SERPINB7: variants seen among roughly 807,000 people sequenced by gnomAD.
SERPINB7 encodes serpin B7.
SERPINB7 carries 31 observed loss-of-function variants against 37.4 expected under a neutral mutation model. That is an observed-to-expected ratio of 0.83 (90% CI 0.62 to 1.12). The LOEUF (loss-of-function observed/expected upper bound fraction) is 1.12, where lower values mean the gene tolerates loss of function less well. Ranked by LOEUF, SERPINB7 falls within the 50% of genes most tolerant of loss-of-function variation. The probability of loss-of-function intolerance (pLI) is 0.00; values close to 1 mark genes in which losing one functional copy is unlikely to be tolerated. For missense variants in SERPINB7, 521 were observed against 455.3 expected (o/e 1.14, Z -1.31); for synonymous variants, 163 against 166.1 (o/e 0.98, Z 0.14).
chr18:63,776,766 A>G (rs1038162771), intron 1 of SERPINB7, among the ~76,000 whole-genome samples: 5 of 151,766 alleles, frequency 3.3e-5, no homozygotes, highest in Non-Finnish European at 7.4e-5. Context: ...GTTGATCTAT[A>G]AAGTGTACTA....
At chr18:63,770,763 T>A (rs547344308), upstream of SERPINB7, among the ~76,000 whole-genome samples, 3 of 152,196 alleles carry the variant, frequency 2.0e-5, no homozygotes, top group East Asian at 5.8e-4. Context: ...TTGAGATGAA[T>A]GTGTTCTCTA....
chr18:63,753,688 C>G (rs143939965), intron 1 of SERPINB7, among the ~76,000 whole-genome samples: 1 of 152,298 alleles, frequency 6.6e-6, no homozygotes, highest in East Asian at 1.9e-4. Flanking sequence ...TGATAATTCC[C>G]TAAAAGGTCT....
intron 1 of SERPINB7, among the ~76,000 whole-genome samples, chr18:63,767,955 AG>A (rs1333569812): frequency 6.6e-6 from 1 of 152,040 alleles, no homozygotes; most frequent in Non-Finnish European, 1.5e-5. Context: ...ATGTGCTTAA[AG>A]TTATTCCTAG....
chr18:63,783,685 G>C (rs2049336420), intron 2 of SERPINB7, among the ~76,000 whole-genome samples: 1 of 152,160 alleles, frequency 6.6e-6, no homozygotes, highest in African/African-American at 2.4e-5. Context: ...CTGAAACTCA[G>C]TAGCTCAACA....
At position 63,792,339 on chromosome 18, in the gene SERPINB7, CTG is replaced by C. The variant is rs199619716; in HGVS notation, c.169-52_169-51del. 5.7e-4 allele frequency: 733 copies of C among 1,283,346 alleles called. 5 individuals are homozygous for C. In the African/African-American group the frequency reaches 9.4e-3, roughly 16 times the overall value. The allele number at this position is 1,283,346 out of a possible 1,614,324, so 79.5% of individuals were successfully genotyped here. A position where few individuals can be genotyped will look rare whatever the true frequency, so the allele number is the denominator to read the frequency against. On this transcript the variant is annotated intron_variant, in intron 2 of 7. Transcript: ENST00000398019. ...TTTTATTTTTAAAACCTCTTGCAAACTGTTCTCGTAACCTCTGATTCTAATGA... is the reference window on the plus strand; with the variant it reads ...TTTTATTTTTAAAACCTCTTGCAAACTTCTCGTAACCTCTGATTCTAATGA...
At position 63,793,278 on chromosome 18, in the gene SERPINB7, G is replaced by GCAGTTTCACTTACCTTA; in HGVS notation, c.336+1_336+2insCAGTTTCACTTACCTTA. On this transcript the variant is annotated splice_donor_variant, in intron 4 of 7. Coordinates refer to ENST00000398019, the MANE Select transcript of SERPINB7 (RefSeq NM_003784.4). LOFTEE classifies it high-confidence loss of function. Reference sequence around the variant, plus strand: ...TGAAAAAGTGTATGGCTTTCATAAGGTAAGTGAAACTGCCTTTGTTAGAAG... The same window carrying GCAGTTTCACTTACCTTA: ...TGAAAAAGTGTATGGCTTTCATAAGGCAGTTTCACTTACCTTATAAGTGAAACTGCCTTTGTTAGAAG... 1 of 1,526,390 alleles carries GCAGTTTCACTTACCTTA rather than the reference G, an allele frequency of 6.6e-7. No individual in the cohort carries two copies. The highest frequency in any genetic ancestry group is 9.0e-7 in the Non-Finnish European group (1 of 1,108,864). 94.6% of individuals were successfully genotyped at this position (1,526,390 alleles called of 1,614,324 possible).
chr18:63,779,598 T>C (rs1486449638), intron 1 of SERPINB7, among the ~76,000 whole-genome samples: 2 of 152,136 alleles, frequency 1.3e-5, no homozygotes, highest in East Asian at 1.9e-4. Flanking sequence ...TTCATAATTA[T>C]CTAGGAATGT....
chr18:63,784,083 G>C (rs146559167), intron 2 of SERPINB7, among the ~76,000 whole-genome samples: 187 of 152,182 alleles, frequency 1.2e-3, no homozygotes, highest in African/African-American at 4.2e-3. Flanking sequence ...TTCAGGATCT[G>C]GGATAAGCCC....
upstream of SERPINB7, among the ~76,000 whole-genome samples, chr18:63,773,071 T>C (rs1289750083): frequency 6.6e-6 from 1 of 152,054 alleles, no homozygotes; most frequent in East Asian, 1.9e-4. Flanking sequence ...ACTGAATTCC[T>C]TTGTGTCCTG....
chr18:63,759,271 G>A (rs1035453635), intron 1 of SERPINB7, among the ~76,000 whole-genome samples: 2 of 151,834 alleles, frequency 1.3e-5, no homozygotes, highest in South Asian at 4.2e-4. Context: ...GAGTAGGCAA[G>A]GGTCAGTAAT....
chr18:63,783,974 G>GT (rs1032572173), intron 2 of SERPINB7, among the ~76,000 whole-genome samples: 10 of 152,106 alleles, frequency 6.6e-5, no homozygotes, highest in Non-Finnish European at 1.3e-4. Context: ...TTAGACTGCT[G>GT]TTTTTTTCAA....
intron 1 of SERPINB7, among the ~76,000 whole-genome samples, chr18:63,760,004 A>T (rs544653385): frequency 1.7e-4 from 26 of 152,324 alleles, no homozygotes; most frequent in African/African-American, 6.3e-4. Context: ...TGCTGAAAAA[A>T]TACCCAAAAA....
intron 1 of SERPINB7, among the ~76,000 whole-genome samples, chr18:63,756,296 T>C (rs1377008397): frequency 6.6e-6 from 1 of 152,212 alleles, no homozygotes; most frequent in Non-Finnish European, 1.5e-5. Flanking sequence ...TTGTAAACTC[T>C]ACCATGTACC....
chr18:63,759,827 T>G (rs535058198), intron 1 of SERPINB7, among the ~76,000 whole-genome samples: 1 of 152,336 alleles, frequency 6.6e-6, no homozygotes, highest in East Asian at 1.9e-4. Flanking sequence ...CTCTTGTCAC[T>G]ACCATGTAAG....
In SERPINB7 at chr18:63,758,890, G is replaced by A. The variant is rs535496221; in HGVS notation, c.-19+5770G>A. Reference sequence around the variant, plus strand: ...TGAAGAGCAAGAACTGTGCTGAGTGGTGGGGTCCAAGAGTTTTCATATTAA... The same window carrying A: ...TGAAGAGCAAGAACTGTGCTGAGTGATGGGGTCCAAGAGTTTTCATATTAA... On this transcript the variant is annotated intron_variant, in intron 1 of 7. Transcript: ENST00000336429. Among the ~76,000 whole-genome samples the A allele has an allele frequency of 3.3e-5, 5 of 152,358 alleles. No homozygotes were observed. In the South Asian group the frequency reaches 8.3e-4, roughly 25 times the overall value.
Position 63,804,699 on chromosome 18 carries a change from A to G in SERPINB7, c.*64A>G. ...TCAAAGAACCACCACAAGTCAATAG[A>G]TTTGAGTTTAATTGGAAAAATGTGG... On this transcript the variant is annotated 3_prime_UTR_variant, in exon 8 of 8. Transcript: ENST00000398019. 1 of 1,460,056 alleles carries G rather than the reference A, an allele frequency of 6.8e-7. No individual in the cohort carries two copies. The highest frequency in any genetic ancestry group is 9.2e-7 in the Non-Finnish European group (1 of 1,086,444). 90.4% of individuals were successfully genotyped at this position (1,460,056 alleles called of 1,614,324 possible). A position where few individuals can be genotyped will look rare whatever the true frequency, so the allele number is the denominator to read the frequency against.
chr18:63,767,645 C>T (rs1468792913), intron 1 of SERPINB7, among the ~76,000 whole-genome samples: 1 of 151,850 alleles, frequency 6.6e-6, no homozygotes, highest in African/African-American at 2.4e-5. Flanking sequence ...TTATATATTG[C>T]TGGTTTGATT....
At chr18:63,764,021 A>G (rs1282641521) in intron 1 of SERPINB7, among the ~76,000 whole-genome samples, 1 of 152,212 alleles carries the variant, frequency 6.6e-6, no homozygotes, top group Non-Finnish European at 1.5e-5. Context: ...TTCCCAAGTT[A>G]TGAAAACAGA....
chr18:63,797,759 T>C (rs1432820758), intron 5 of SERPINB7, among the ~76,000 whole-genome samples: 1 of 152,168 alleles, frequency 6.6e-6, no homozygotes, highest in Non-Finnish European at 1.5e-5. Flanking sequence ...CCTGAGCAAT[T>C]ATTTCCCATC....
Sources: allele counts gnomAD v4.1 joint callset (sites outside exome capture counted in the v4.1 genomes callset), GRCh38; gene constraint gnomAD v4.1.1; transcripts MANE v1.5; gene names NCBI Gene and HGNC (gene_info 2026-07-23, HGNC 2026-07-21).